Variants in EHBP1 observed in about 807,000 individuals in gnomAD.
The protein encoded by EHBP1 is EH domain binding protein 1, also known as EH domain-binding protein 1.
In EHBP1, 55 loss-of-function variants were observed where a neutral mutation model predicts 144.0. That is an observed-to-expected ratio of 0.38 (90% CI 0.31 to 0.48). The LOEUF (loss-of-function observed/expected upper bound fraction) is 0.48. EHBP1 is among the 20% of genes least tolerant of loss of function. The probability of loss-of-function intolerance (pLI) is 0.98; values close to 1 mark genes in which losing one functional copy is unlikely to be tolerated. For synonymous variants in EHBP1, 469 were observed against 472.7 expected, an observed-to-expected ratio of 0.99 and a Z score of 0.10; for missense variants, 1,200 against 1,364.2, an observed-to-expected ratio of 0.88 and a Z score of 1.90.
chr2:62,734,716 A>G (rs1448061301), intron 2 of EHBP1, among the ~76,000 whole-genome samples: 1 of 151,786 alleles, frequency 6.6e-6, no homozygotes, highest in African/African-American at 2.4e-5. Flanking sequence ...TGTTCTTTGT[A>G]CCTTTTTTCC....
intron 13 of EHBP1, among the ~76,000 whole-genome samples, chr2:62,949,911 A>G (rs1344997605): frequency 6.6e-6 from 1 of 152,208 alleles, no homozygotes; most frequent in Non-Finnish European, 1.5e-5. Flanking sequence ...TTGTCAATAA[A>G]GTTATGATAC....
At chr2:62,767,833 C>CAAAAAAAAAAAAAAAAAAAAA (rs1208266767) in intron 4 of EHBP1, among the ~76,000 whole-genome samples, 1 of 76,422 alleles carries the variant, frequency 1.3e-5, no homozygotes, top group South Asian at 4.5e-4. Context: ...AAGACTCTGT[C>CAAAAAAAAAAAAAAAAAAAAA]AAAAAAAAAA....
chr2:62,680,322 A>G lies in EHBP1; in HGVS notation c.-296+6239A>G, dbSNP rs188592537. Among the ~76,000 whole-genome samples, 6 of 152,306 alleles carry G rather than the reference A, an allele frequency of 3.9e-5. No individual in the cohort carries two copies. The East Asian group carries it at 1.2e-3, about 29-fold the overall frequency. The stretch of plus-strand genomic sequence containing the variant: ...TCTACCCTCCCCTGTTCCTCAAGTT[A>G]TTGAATCTAAAGATAAGTGAATTAC... On this transcript the variant is annotated intron_variant, in intron 1 of 22. Transcript: ENST00000405015.
intron 19 of EHBP1, among the ~76,000 whole-genome samples, chr2:63,019,155 A>G (rs1301674863): frequency 2.0e-5 from 3 of 152,192 alleles, no homozygotes; most frequent in African/African-American, 7.2e-5. Flanking sequence ...ATAGATTCCC[A>G]AGCCTTACTT....
chr2:62,701,438 G>A (rs1313799048), upstream of EHBP1, among the ~76,000 whole-genome samples: 1 of 152,154 alleles, frequency 6.6e-6, no homozygotes, highest in Non-Finnish European at 1.5e-5. Flanking sequence ...GTCACATGTG[G>A]TTAGAGGCGA....
intron 5 of EHBP1, among the ~76,000 whole-genome samples, chr2:62,786,389 C>G (rs770761966): frequency 4.6e-5 from 7 of 152,130 alleles, no homozygotes; most frequent in South Asian, 4.1e-4. Context: ...CCTTCTTGAC[C>G]TAGCCTTGCC....
chr2:62,996,579 G>C (rs549341487), intron 18 of EHBP1, 64 bp from the exon 19 acceptor site: 654 of 1,605,504 alleles, frequency 4.1e-4, no homozygotes, highest in Non-Finnish European at 5.4e-4. Context: ...CTAAGTGTTT[G>C]TAGAAAGGAA....
At chr2:62,996,617 T>TC in intron 18 of EHBP1, 26 bp from the exon 19 acceptor site, 1 of 1,612,376 alleles carries the variant, frequency 6.2e-7, no homozygotes, top group Non-Finnish European at 8.5e-7. Context: ...GATTTTTTTT[T>TC]CCTTCCTGTT....
chr2:63,022,568 G>A (rs1299290421), intron 19 of EHBP1, among the ~76,000 whole-genome samples: 3 of 151,970 alleles, frequency 2.0e-5, no homozygotes, highest in African/African-American at 4.8e-5. Flanking sequence ...GCCTGCCTCC[G>A]CCTCCCAAAG....
chr2:62,965,234 A>T (rs958359634), intron 14 of EHBP1, among the ~76,000 whole-genome samples: 2 of 152,332 alleles, frequency 1.3e-5, no homozygotes, highest in East Asian at 1.9e-4. Context: ...AACTGCAATT[A>T]AAAAATTAAC....
chr2:62,709,883 CT>C (rs1157195797), intron 2 of EHBP1, among the ~76,000 whole-genome samples: 5 of 152,010 alleles, frequency 3.3e-5, no homozygotes, highest in Non-Finnish European at 4.4e-5. Flanking sequence ...ACGAGAATGT[CT>C]TTTTTTCATT....
intron 12 of EHBP1, among the ~76,000 whole-genome samples, chr2:62,947,550 T>G (rs2057135921): frequency 1.3e-5 from 2 of 152,202 alleles, no homozygotes; most frequent in South Asian, 2.1e-4. Context: ...AATGCTGTTT[T>G]CAAGGGTTAG....
chr2:62,725,058 C>A (rs750289843), intron 2 of EHBP1, among the ~76,000 whole-genome samples: 1 of 152,140 alleles, frequency 6.6e-6, no homozygotes, highest in African/African-American at 2.4e-5. Context: ...TTTAGGGGGC[C>A]AGTGCTCAGC....
In EHBP1 at chr2:62,768,999, G is replaced by A. The variant is rs374699078; in HGVS notation, c.259-2340G>A. 3.3e-5 allele frequency among the ~76,000 whole-genome samples: 5 copies of A among 152,246 alleles called. No homozygotes were observed. The East Asian group carries it at 7.7e-4, about 24-fold the overall frequency. On this transcript the variant is annotated intron_variant, in intron 4 of 22. Transcript: ENST00000431489. ...TTAAAGACTCTCAAAACTAGGTATT[G>A]AAGGAACATATATCAAAATAATAGC...
At chr2:62,983,007 A>G (rs1574350082) in intron 15 of EHBP1, among the ~76,000 whole-genome samples, 1 of 151,846 alleles carries the variant, frequency 6.6e-6, no homozygotes, top group Non-Finnish European at 1.5e-5. Context: ...ACAGAATCAC[A>G]CCTCTCCTAG....
chr2:62,758,023 A>G (rs971021306), intron 3 of EHBP1, among the ~76,000 whole-genome samples: 1 of 152,146 alleles, frequency 6.6e-6, no homozygotes, highest in African/African-American at 2.4e-5. Context: ...AAAAAAAAAA[A>G]AAAAAATTTA....
At chr2:62,982,036 G>A (rs918457482) in intron 15 of EHBP1, among the ~76,000 whole-genome samples, 2 of 152,110 alleles carry the variant, frequency 1.3e-5, no homozygotes, top group African/African-American at 4.8e-5. Context: ...TCGGTGGTGG[G>A]TCTTGGCCTG....
chr2:62,975,053 G>C (rs1279820405), intron 14 of EHBP1, among the ~76,000 whole-genome samples: 2 of 152,138 alleles, frequency 1.3e-5, no homozygotes, highest in African/African-American at 4.8e-5. Context: ...TTAACAGTTG[G>C]GGGTGGCTCA....
At chr2:62,895,291 A>G (rs1331478233) in intron 10 of EHBP1, among the ~76,000 whole-genome samples, 1 of 150,224 alleles carries the variant, frequency 6.7e-6, no homozygotes, top group Non-Finnish European at 1.5e-5. Flanking sequence ...CATCATCATC[A>G]TCATCATCAT....
Sources: gnomAD v4.1 joint callset for allele counts (sites outside exome capture counted in the v4.1 genomes callset) on GRCh38, gnomAD v4.1.1 for gene constraint, MANE v1.5 for transcripts, NCBI Gene and HGNC (gene_info 2026-07-23, HGNC 2026-07-21) for gene names.